Variants in SLC10A2 observed in about 807,000 individuals in gnomAD.
SLC10A2 encodes solute carrier family 10 member 2.
In SLC10A2, 34 loss-of-function variants were observed where a neutral mutation model predicts 27.1. The observed-to-expected ratio is 1.26, with a 90% confidence interval of 0.96 to 1.67. The LOEUF (loss-of-function observed/expected upper bound fraction) is 1.67. Among genes scored for constraint, SLC10A2 ranks in the 40% most tolerant of loss-of-function variants. SLC10A2 has a pLI of 0.00. For synonymous variants in SLC10A2, 205 were observed against 174.0 expected, an observed-to-expected ratio of 1.18 and a Z score of -1.40; for missense variants, 530 against 444.4, an observed-to-expected ratio of 1.19 and a Z score of -1.73.
chr13:103,052,330 G>C (rs1160227895), intron 3 of SLC10A2, among the ~76,000 whole-genome samples: 1 of 152,036 alleles, frequency 6.6e-6, no homozygotes, highest in Non-Finnish European at 1.5e-5. Context: ...CAATAAAGAA[G>C]GGCATGCTAG....
At chr13:103,052,213 T>C (rs1257500121) in intron 3 of SLC10A2, among the ~76,000 whole-genome samples, 1 of 152,170 alleles carries the variant, frequency 6.6e-6, no homozygotes, top group Admixed American at 6.5e-5. Flanking sequence ...CAAACTCACA[T>C]AACAGAGATA....
chr13:103,046,225 T>G lies in SLC10A2; in HGVS notation c.955A>C (p.Lys319Gln), dbSNP rs759373942. The G allele has an allele frequency of 6.2e-7, 1 of 1,613,564 alleles. No homozygotes were observed. Among genetic ancestry groups the G allele is most frequent in the South Asian group, 1.1e-5 (1 of 91,064 alleles). The change falls in exon 6 of 6, where the codon AAG (lysine) becomes CAG (glutamine). Residue 319 changes from lysine to glutamine, a missense_variant. Transcript: ENST00000245312. ...TCTTTGCTCTCTGGAATTTCTGCCT[T>G]GTTTTTTCCATGACATTTCTTGTAT... The part of the protein sequence containing the change: ...VAYKKCHGKN[K>Q]AEIPESKENG...
intron 1 of SLC10A2, among the ~76,000 whole-genome samples, chr13:103,060,467 C>T (rs1361038509): frequency 1.3e-5 from 2 of 150,628 alleles, no homozygotes; most frequent in Admixed American, 6.6e-5. Context: ...TCACTGAAGC[C>T]TGGGCTCAAG....
At chr13:103,058,232 A>G (rs1281929241) in intron 2 of SLC10A2, 32 bp downstream of exon 2, 2 of 1,217,492 alleles carry the variant, frequency 1.6e-6, no homozygotes, top group Non-Finnish European at 2.4e-6. Flanking sequence ...TTTGAGGGTA[A>G]CAGTCAACAG....
intron 5 of SLC10A2, among the ~76,000 whole-genome samples, chr13:103,048,403 AAAAAAAAGAAAAGAAAAG>A (rs371511225): frequency 0.031 from 3,913 of 126,858 alleles, 73 homozygotes; most frequent in African/African-American, 0.059. Flanking sequence ...AAAAAAAAGA[AAAAAAAAGAAAAGAAAAG>A]AAAAAAAGAA....
rs150843319 is a variant in SLC10A2 at position 103,058,381 on chromosome 13, C to T, written c.379G>A (p.Val127Ile). ...AGTGTGGAGCATGTGGTCATGCTGA[C>T]GCTGAAAGGCAATGGGCAGATTGAT... ...YWVDGDMDLS[V>I]SMTTCSTLLA... The change falls in exon 2 of 6, where the codon GTC (valine) becomes ATC (isoleucine). Residue 127 changes from valine (V) to isoleucine (I), a missense_variant and splice_region_variant. Transcript: ENST00000245312. The T allele has an allele frequency of 7.2e-5, 115 of 1,590,888 alleles. 1 individual carries two copies. Among genetic ancestry groups the T allele is most frequent in the Admixed American group, 7.0e-4 (42 of 59,954 alleles).
At chr13:103,063,328 A>C (rs1171291530) in intron 1 of SLC10A2, among the ~76,000 whole-genome samples, 1 of 152,210 alleles carries the variant, frequency 6.6e-6, no homozygotes, top group African/African-American at 2.4e-5. Flanking sequence ...ACCATAACCA[A>C]GAGAGTTAAA....
intron 1 of SLC10A2, among the ~76,000 whole-genome samples, chr13:103,062,068 T>C (rs1876139003): frequency 6.6e-6 from 1 of 152,222 alleles, no homozygotes; most frequent in African/African-American, 2.4e-5. Flanking sequence ...GATTTTCTTT[T>C]GTGTGTATGG....
At chr13:103,057,689 A>G (rs941820982) in intron 2 of SLC10A2, among the ~76,000 whole-genome samples, 3 of 151,954 alleles carry the variant, frequency 2.0e-5, no homozygotes, top group African/African-American at 7.3e-5. Flanking sequence ...GACCAGCCTG[A>G]CCAACATGGA....
intron 2 of SLC10A2, among the ~76,000 whole-genome samples, chr13:103,057,959 GA>G (rs1351731415): frequency 2.4e-4 from 37 of 152,216 alleles, no homozygotes; most frequent in African/African-American, 8.9e-4. Context: ...CTGGGTTAAG[GA>G]ATAGGTGCAA....
intron 2 of SLC10A2, among the ~76,000 whole-genome samples, chr13:103,054,423 G>A (rs988694003): frequency 6.6e-6 from 1 of 152,048 alleles, no homozygotes; most frequent in Admixed American, 6.5e-5. Context: ...CCCTCTCCTG[G>A]GTCTTTAGAC....
At chr13:103,060,983 G>C (rs937146885) in intron 1 of SLC10A2, among the ~76,000 whole-genome samples, 3 of 152,168 alleles carry the variant, frequency 2.0e-5, no homozygotes, top group African/African-American at 7.2e-5. Context: ...GCAAAATACA[G>C]GGTGGGACAA....
chr13:103,052,468 A>G, intron 3 of SLC10A2, 152 bp downstream of exon 3: 1 of 686,248 alleles, frequency 1.5e-6, no homozygotes, highest in Non-Finnish European at 2.7e-6. Context: ...ATAAAGAAGG[A>G]CATTCTAAAG....
chr13:103,056,221 T>C (rs55993659), intron 2 of SLC10A2, among the ~76,000 whole-genome samples: 3,780 of 152,362 alleles, frequency 0.025, 81 homozygotes, highest in East Asian at 0.051. Context: ...TCATTTTTCC[T>C]TGTGGTACTG....
chr13:103,051,527 C>A, intron 3 of SLC10A2, 95 bp from the exon 4 acceptor site: 1 of 1,337,410 alleles, frequency 7.5e-7, no homozygotes, highest in Admixed American at 1.9e-5. Flanking sequence ...TCTCCTTGTC[C>A]CTGGGGGAAG....
intron 2 of SLC10A2, among the ~76,000 whole-genome samples, chr13:103,054,610 C>T (rs1195903173): frequency 6.6e-6 from 1 of 152,074 alleles, no homozygotes; most frequent in East Asian, 1.9e-4. Flanking sequence ...TAAGAGTATT[C>T]ATCTTTTTGA....
chr13:103,059,703 A>T (rs2138922466), intron 1 of SLC10A2, among the ~76,000 whole-genome samples: 1 of 152,274 alleles, frequency 6.6e-6, no homozygotes, highest in East Asian at 1.9e-4. Flanking sequence ...AGAACAGCAA[A>T]CACATTTAAA....
chr13:103,048,637 A>C (rs1595437347), intron 5 of SLC10A2, among the ~76,000 whole-genome samples: 1 of 152,284 alleles, frequency 6.6e-6, no homozygotes, highest in South Asian at 2.1e-4. Flanking sequence ...TTGGAAAGGA[A>C]AATGTAGAAA....
At chr13:103,064,516 T>C (rs942767799) in intron 1 of SLC10A2, among the ~76,000 whole-genome samples, 1 of 152,158 alleles carries the variant, frequency 6.6e-6, no homozygotes, top group Non-Finnish European at 1.5e-5. Flanking sequence ...GCACTAAAAG[T>C]TACAAATATT....
Sources: gnomAD v4.1 joint callset for allele counts (sites outside exome capture counted in the v4.1 genomes callset) on GRCh38, gnomAD v4.1.1 for gene constraint, MANE v1.5 for transcripts, NCBI Gene and HGNC (gene_info 2026-07-23, HGNC 2026-07-21) for gene names.